Variants in GRIA4 observed in about 807,000 individuals in gnomAD.
The protein encoded by GRIA4 is glutamate receptor 4.
A neutral mutation model predicts 104.0 loss-of-function variants in GRIA4; 34 were observed. The observed-to-expected ratio is 0.33, with a 90% confidence interval of 0.25 to 0.44. The LOEUF (loss-of-function observed/expected upper bound fraction) is 0.44, where lower values mean the gene tolerates loss of function less well. Ranked by LOEUF, GRIA4 falls within the 20% of genes least tolerant of loss-of-function variation. GRIA4 has a pLI of 1.00. For missense variants in GRIA4, 750 were observed against 1,096.5 expected, an observed-to-expected ratio of 0.68 and a Z score of 4.46; for synonymous variants, 386 against 381.9, an observed-to-expected ratio of 1.01 and a Z score of -0.13.
At chr11:105,756,923 G>A (rs139410880) in intron 4 of GRIA4, among the ~76,000 whole-genome samples, 304 of 152,262 alleles carry the variant, frequency 2.0e-3, no homozygotes, top group Non-Finnish European at 2.7e-3. Context: ...AAGGAGAACA[G>A]CTAACTGTGT....
intron 14 of GRIA4, among the ~76,000 whole-genome samples, chr11:105,942,030 T>C (rs370860247): frequency 6.6e-5 from 10 of 152,254 alleles, no homozygotes; most frequent in African/African-American, 2.4e-4. Context: ...TCAGCAAGTA[T>C]ACCTATTTTG....
chr11:105,850,145 T>C (rs1298274155), intron 4 of GRIA4, among the ~76,000 whole-genome samples: 1 of 152,198 alleles, frequency 6.6e-6, no homozygotes, highest in Non-Finnish European at 1.5e-5. Flanking sequence ...AATTGCCACA[T>C]TGTAAATATT....
At chr11:105,620,963 A>T (rs2135271966) in intron 3 of GRIA4, among the ~76,000 whole-genome samples, 1 of 151,894 alleles carries the variant, frequency 6.6e-6, no homozygotes, top group African/African-American at 2.4e-5. Context: ...TGTCCTAAAG[A>T]ACACCATGCT....
chr11:105,655,746 G>T (rs1951824490), intron 3 of GRIA4, among the ~76,000 whole-genome samples: 1 of 152,076 alleles, frequency 6.6e-6, no homozygotes, highest in Admixed American at 6.6e-5. Context: ...TAGGCATTTG[G>T]GTTGGTTCCA....
rs1859216439 is a variant in GRIA4 at position 105,980,523 on chromosome 11, T to G, written c.*784T>G. On this transcript the variant is annotated 3_prime_UTR_variant, in exon 17 of 17. Transcript: ENST00000282499. ...ACATGAGTCGATTCACCGATTGCAT[T>G]TGTCTCACAACCAGGAAGAAAAGCA... 6.6e-6 allele frequency: 1 copy of G among 152,610 alleles called. No individual in the cohort carries two copies. The highest frequency in any genetic ancestry group is 2.4e-5 in the African/African-American group (1 of 41,448). 9.5% of individuals were successfully genotyped at this position (152,610 alleles called of 1,614,324 possible).
At chr11:105,914,942 AG>A (rs1243470490) in intron 10 of GRIA4, among the ~76,000 whole-genome samples, 1 of 152,166 alleles carries the variant, frequency 6.6e-6, no homozygotes, top group African/African-American at 2.4e-5. Context: ...CCCCCATAGT[AG>A]CCCCCTACCT....
rs575849835 is a variant in GRIA4, at chr11:105,834,317, A to G, written c.488-27707A>G. On this transcript the variant is annotated intron_variant, in intron 4 of 16. Transcript: ENST00000282499. ...ATATGGTAAATTAACCTGTGCAAGT[A>G]TAATAGAAACTCAATGAAAAGCATT... is the stretch of plus-strand genomic sequence containing the variant. 2.6e-5 allele frequency among the ~76,000 whole-genome samples: 4 copies of G among 152,200 alleles called. No homozygotes were observed. The South Asian group carries it at 8.3e-4, about 32-fold the overall frequency.
At chr11:105,766,962 C>A (rs1940974540) in intron 4 of GRIA4, among the ~76,000 whole-genome samples, 1 of 152,114 alleles carries the variant, frequency 6.6e-6, no homozygotes, top group African/African-American at 2.4e-5. Context: ...TTGCTTTATT[C>A]TTACCTACAG....
chr11:105,624,728 A>T (rs986499570), intron 3 of GRIA4, among the ~76,000 whole-genome samples: 2 of 152,014 alleles, frequency 1.3e-5, no homozygotes, highest in African/African-American at 4.8e-5. Context: ...CTCCCCAAAA[A>T]CATGCACGTC....
chr11:105,914,061 TTATA>T lies in GRIA4; in HGVS notation c.1269+3525_1269+3528del, dbSNP rs200097677. 1.6e-4 allele frequency among the ~76,000 whole-genome samples: 24 copies of T among 151,344 alleles called. No individual in the cohort carries two copies. In the Admixed American group the frequency reaches 1.6e-3, roughly 10 times the overall value. ...CACATGCATATTTATATAAAATGTA[TTATA>T]TATATATACAGACATACATACAGAA... On this transcript the variant is annotated intron_variant, in intron 10 of 16. Coordinates refer to ENST00000282499, the MANE Select transcript of GRIA4 (RefSeq NM_000829.4).
intron 3 of GRIA4, among the ~76,000 whole-genome samples, chr11:105,713,703 A>G (rs1953994368): frequency 6.6e-6 from 1 of 152,206 alleles, no homozygotes; most frequent in South Asian, 2.1e-4. Context: ...TTGTTAAATT[A>G]CTTCAGGAAC....
intron 3 of GRIA4, 198 bp downstream of exon 3, chr11:105,612,632 A>C (rs1180282464): frequency 1.8e-5 from 9 of 510,222 alleles, no homozygotes; most frequent in South Asian, 3.5e-5. Flanking sequence ...TCCTTAATTT[A>C]TTTTTCTTTT....
At chr11:105,753,303 ATTGT>A in intron 4 of GRIA4, 83 bp downstream of exon 4, 6 of 1,253,538 alleles carry the variant, frequency 4.8e-6, no homozygotes, top group East Asian at 2.3e-5. Flanking sequence ...TTTTTAGCAA[ATTGT>A]TTGATCTCTA....
chr11:105,638,539 A>G (rs112149638), intron 3 of GRIA4, among the ~76,000 whole-genome samples: 2 of 149,378 alleles, frequency 1.3e-5, no homozygotes, highest in African/African-American at 2.5e-5. Flanking sequence ...GTGCGCGTGT[A>G]TGTGTGTGTG....
intron 14 of GRIA4, among the ~76,000 whole-genome samples, chr11:105,951,958 G>A (rs1406003984): frequency 1.3e-5 from 2 of 152,072 alleles, no homozygotes; most frequent in African/African-American, 2.4e-5. Flanking sequence ...GTGAGACCCT[G>A]TCTCAAAAAA....
At chr11:105,610,808 A>C in intron 1 of GRIA4, 100 bp from the exon 2 acceptor site, 1 of 558,728 alleles carries the variant, frequency 1.8e-6, no homozygotes, top group Non-Finnish European at 3.2e-6. Context: ...GCTAAGGAGA[A>C]CTAGTCATAA....
intron 3 of GRIA4, among the ~76,000 whole-genome samples, chr11:105,644,103 T>C (rs958985013): frequency 1.3e-5 from 2 of 152,186 alleles, no homozygotes; most frequent in African/African-American, 2.4e-5. Flanking sequence ...AGAAAAATTT[T>C]CAAAGGAAAT....
At chr11:105,689,467 TA>T (rs1953009632) in intron 3 of GRIA4, among the ~76,000 whole-genome samples, 1 of 152,212 alleles carries the variant, frequency 6.6e-6, no homozygotes, top group Non-Finnish European at 1.5e-5. Context: ...AGTTCTATTG[TA>T]AAACCACATG....
chr11:105,907,350 G>A (rs747540892), intron 9 of GRIA4, among the ~76,000 whole-genome samples: 8 of 152,094 alleles, frequency 5.3e-5, no homozygotes, highest in Admixed American at 4.6e-4. Context: ...CGATCAACTC[G>A]GGCATTGTGT....
Sources: gnomAD v4.1 joint callset for allele counts (sites outside exome capture counted in the v4.1 genomes callset) on GRCh38, gnomAD v4.1.1 for gene constraint, MANE v1.5 for transcripts, NCBI Gene and HGNC (gene_info 2026-07-23, HGNC 2026-07-21) for gene names.